The following CIDEA variants were observed in gnomAD, a reference collection of about 807,000 sequenced individuals.
CIDEA encodes the protein lipid transferase CIDEA.
CIDEA carries 10 observed loss-of-function variants against 18.2 expected under a neutral mutation model. The ratio of observed to expected loss-of-function variants is 0.55; its 90% CI spans 0.34 to 0.93. The LOEUF (loss-of-function observed/expected upper bound fraction) is 0.93, where lower values mean the gene tolerates loss of function less well. Among genes scored for constraint, CIDEA ranks in the 40% least tolerant of loss-of-function variants. The pLI, the probability that CIDEA is intolerant of heterozygous loss-of-function variation, is 0.02. For missense variants in CIDEA, 309 were observed against 293.1 expected (o/e 1.05, Z -0.40); for synonymous variants, 128 against 124.8 (o/e 1.03, Z -0.17).
In CIDEA at chr18:12,274,289, G is replaced by C. The variant is rs191016981; in HGVS notation, c.512+15G>C. ...GGCCTGCTGAGGTAACACACTCCAG[G>C]GGTCACCTCCGGGGGTCTGCAGACT... On this transcript the variant is annotated intron_variant, in intron 4 of 4. Coordinates refer to ENST00000320477, the MANE Select transcript of CIDEA (RefSeq NM_001279.4). 29 of 1,613,574 alleles carry C rather than the reference G, an allele frequency of 1.8e-5. No homozygotes were observed. The Admixed American group carries it at 4.5e-4, about 25-fold the overall frequency.
At chr18:12,267,170 C>A (rs13381135) in intron 3 of CIDEA, among the ~76,000 whole-genome samples, 1,703 of 152,330 alleles carry the variant, frequency 0.011, 28 homozygotes, top group African/African-American at 0.039. Context: ...TATGACCCAG[C>A]AGCTGCTTTC....
chr18:12,267,788 C>T (rs1912392533), intron 3 of CIDEA, among the ~76,000 whole-genome samples: 1 of 152,172 alleles, frequency 6.6e-6, no homozygotes, highest in Non-Finnish European at 1.5e-5. Context: ...AGCCACCACA[C>T]CCGGCTTGTA....
At chr18:12,262,107 C>T (rs1347123461) in intron 1 of CIDEA, among the ~76,000 whole-genome samples, 1 of 151,558 alleles carries the variant, frequency 6.6e-6, no homozygotes, top group Non-Finnish European at 1.5e-5. Context: ...GTCAAGGCTG[C>T]AGTAAGTTGA....
intron 3 of CIDEA, among the ~76,000 whole-genome samples, chr18:12,266,853 C>T (rs931513636): frequency 2.6e-5 from 4 of 151,050 alleles, no homozygotes; most frequent in East Asian, 2.0e-4. Context: ...TTCTGCCTCC[C>T]GAGTTCAGGT....
At position 12,265,459 on chromosome 18, in the gene CIDEA, G is replaced by C. The variant is rs565461879; in HGVS notation, c.330+1006G>C. On this transcript the variant is annotated intron_variant, in intron 3 of 4. Transcript: ENST00000320477. ...CTGGGAGGACAGGAGACAGCCTCCA[G>C]CTGACACAAAGTCAAGGGGTGAGAT... is the stretch of plus-strand genomic sequence containing the variant. Among the ~76,000 whole-genome samples, 3 of 152,344 alleles carry C rather than the reference G, an allele frequency of 2.0e-5. No homozygotes were observed. In the East Asian group the frequency reaches 5.8e-4, roughly 29 times the overall value.
intron 3 of CIDEA, among the ~76,000 whole-genome samples, chr18:12,271,887 C>A (rs1200986416): frequency 6.6e-6 from 1 of 152,164 alleles, no homozygotes; most frequent in Admixed American, 6.5e-5. Context: ...AGCCCCCGCC[C>A]GGCGAGGCCC....
At chr18:12,276,602 G>A (rs916365073) in intron 4 of CIDEA, among the ~76,000 whole-genome samples, 41 of 152,230 alleles carry the variant, frequency 2.7e-4, no homozygotes, top group Admixed American at 2.4e-3. Context: ...TGTTGTGGGT[G>A]CTGGGGGCAG....
Position 12,274,238 on chromosome 18 carries a change from A to G in CIDEA, c.476A>G (p.Tyr159Cys). 1 of 1,614,176 alleles carries G rather than the reference A, an allele frequency of 6.2e-7. No individual in the cohort carries two copies. ...ATGTATGAGATGTACTCCGTGTCCT[A>G]CGACATCCGGTGCACGGGACTCAAG... ...ATMYEMYSVS[Y>C]DIRCTGLKGL... The change falls in exon 4 of 5, where the codon TAC (tyrosine) becomes TGC (cysteine). Residue 159 changes from tyrosine (Y) to cysteine (C), a missense_variant. By Grantham distance (194) the Tyr-to-Cys change is radical. Coordinates refer to ENST00000320477, the MANE Select transcript of CIDEA (RefSeq NM_001279.4).
At chr18:12,265,208 A>G (rs1226223080) in intron 3 of CIDEA, among the ~76,000 whole-genome samples, 1 of 152,266 alleles carries the variant, frequency 6.6e-6, no homozygotes, top group African/African-American at 2.4e-5. Flanking sequence ...TATAGATGAT[A>G]TAGCCCAAAA....
chr18:12,266,784 A>G (rs970285184), intron 3 of CIDEA, among the ~76,000 whole-genome samples: 17 of 148,992 alleles, frequency 1.1e-4, no homozygotes, highest in African/African-American at 1.7e-4. Flanking sequence ...TTTTTGAGAC[A>G]GAGTCTCACT....
chr18:12,271,789 A>G (rs936136094), intron 3 of CIDEA, among the ~76,000 whole-genome samples: 14 of 152,014 alleles, frequency 9.2e-5, no homozygotes, highest in Non-Finnish European at 1.8e-4. Flanking sequence ...AAACCAGTTT[A>G]GACTGAGACC....
chr18:12,261,924 G>T (rs1268956403), intron 1 of CIDEA, among the ~76,000 whole-genome samples: 1 of 151,758 alleles, frequency 6.6e-6, no homozygotes, highest in Non-Finnish European at 1.5e-5. Context: ...CTTCATCTGG[G>T]AGGCTGAGGC....
intron 3 of CIDEA, among the ~76,000 whole-genome samples, chr18:12,264,957 T>C (rs1203369542): frequency 1.3e-5 from 2 of 152,244 alleles, no homozygotes; most frequent in African/African-American, 4.8e-5. Flanking sequence ...AGTCTCTCTG[T>C]GAACTGAGGC....
rs191158032 is a variant in CIDEA at position 12,262,947 on chromosome 18, G to C, written c.161G>C (p.Ser54Thr). The change falls in exon 2 of 5, where the codon AGC (serine) becomes ACC (threonine). Residue 54 changes from serine to threonine, a missense_variant. Ser to Thr is a moderately conservative substitution (Grantham distance 58). Coordinates refer to ENST00000320477, the MANE Select transcript of CIDEA (RefSeq NM_001279.4). ...AGCCGGCGTGGGGTGATGGCAAGCA[G>C]CCTGCAGGAGCTCATCAGCAAGGTG... ...RSSRRGVMAS[S>T]LQELISKTLD... 1.2e-4 allele frequency: 198 copies of C among 1,614,138 alleles called. 3 individuals are homozygous for C. The Admixed American group carries it at 3.2e-3, about 26-fold the overall frequency.
chr18:12,254,562 C>CG (rs745421094), intron 1 of CIDEA, 141 bp downstream of exon 1: 2 of 787,456 alleles, frequency 2.5e-6, no homozygotes, highest in South Asian at 4.4e-5. Context: ...CGCTCCGCGA[C>CG]CCCGCGCACA....
chr18:12,272,071 TC>T (rs929930274), intron 3 of CIDEA, among the ~76,000 whole-genome samples: 2 of 144,922 alleles, frequency 1.4e-5, no homozygotes, highest in African/African-American at 2.5e-5. Context: ...CAAACACGTT[TC>T]CCGGCTGAGG....
chr18:12,274,037 T>A, intron 3 of CIDEA, 56 bp from the exon 4 acceptor site: 1 of 1,581,840 alleles, frequency 6.3e-7, no homozygotes, highest in Non-Finnish European at 8.7e-7. Flanking sequence ...AGCAGAGTGA[T>A]GACGTGGGAG....
At chr18:12,267,166 C>T (rs184512261) in intron 3 of CIDEA, among the ~76,000 whole-genome samples, 1 of 152,276 alleles carries the variant, frequency 6.6e-6, no homozygotes, top group Admixed American at 6.5e-5. Context: ...AGACTATGAC[C>T]CAGCAGCTGC....
At position 12,270,688 on chromosome 18, in the gene CIDEA, C is replaced by CAAAAAAAAAAAAAAAAA. The variant is rs68102741; in HGVS notation, c.331-3393_331-3377dup. Among the ~76,000 whole-genome samples the CAAAAAAAAAAAAAAAAA allele has an allele frequency of 2.7e-4, 20 of 72,802 alleles. 2 individuals are homozygous for CAAAAAAAAAAAAAAAAA. Among genetic ancestry groups the CAAAAAAAAAAAAAAAAA allele is most frequent in the African/African-American group, 1.5e-3 (18 of 11,926 alleles). The allele number at this position is 72,802 out of a possible 152,430, so 47.8% of individuals were successfully genotyped here. Reference sequence around the variant, plus strand: ...GGCGACAGAGCAAGACTCCGTCTCACAAAAAAAAAAAAAAAAAAAAAAAAA... The same window carrying CAAAAAAAAAAAAAAAAA: ...GGCGACAGAGCAAGACTCCGTCTCACAAAAAAAAAAAAAAAAAAAAAAAAAAAAAAAAAAAAAAAAAA... On this transcript the variant is annotated intron_variant, in intron 3 of 4. Coordinates refer to ENST00000320477, the MANE Select transcript of CIDEA (RefSeq NM_001279.4).
Sources: gnomAD v4.1 joint callset for allele counts (sites outside exome capture counted in the v4.1 genomes callset) on GRCh38, gnomAD v4.1.1 for gene constraint, MANE v1.5 for transcripts, NCBI Gene and HGNC (gene_info 2026-07-23, HGNC 2026-07-21) for gene names.